TLCD4: variants seen among roughly 807,000 people sequenced by gnomAD.
TLCD4 encodes TLC domain containing 4, also known as TLC domain-containing protein 4.
A neutral mutation model predicts 24.2 loss-of-function variants in TLCD4; 7 were observed. The ratio of observed to expected loss-of-function variants is 0.29; its 90% confidence interval spans 0.16 to 0.54. The LOEUF is 0.54. Ranked by LOEUF, TLCD4 falls within the 20% of genes least tolerant of loss-of-function variation. The pLI, the probability that TLCD4 is intolerant of heterozygous loss-of-function variation, is 0.95. For missense variants in TLCD4, 259 were observed against 313.9 expected (o/e 0.82, Z 1.32); for synonymous variants, 103 against 106.4 (o/e 0.97, Z 0.20).
intron 5 of TLCD4, among the ~76,000 whole-genome samples, chr1:95,155,542 G>C (rs1455024272): frequency 1.3e-5 from 2 of 152,108 alleles, no homozygotes; most frequent in Admixed American, 1.3e-4. Flanking sequence ...GAATAGGAGA[G>C]AAAAGGATAA....
chr1:95,139,196 A>C (rs1345036969), intron 1 of TLCD4, among the ~76,000 whole-genome samples: 1 of 149,846 alleles, frequency 6.7e-6, no homozygotes, highest in African/African-American at 2.4e-5. Context: ...AAAAAAAAAA[A>C]AGATAAAAAA....
intron 1 of TLCD4, 21 bp from the exon 2 acceptor site, chr1:95,143,870 A>G (rs769086795): frequency 1.9e-5 from 25 of 1,348,314 alleles, no homozygotes; most frequent in Non-Finnish European, 2.4e-5. Flanking sequence ...AACAATTTAT[A>G]GCTGTCATTT....
rs78966776 is a variant in TLCD4 at position 95,167,994 on chromosome 1, C to T, written c.400-5822C>T. Among the ~76,000 whole-genome samples, 1,051 of 152,280 alleles carry T rather than the reference C, an allele frequency of 6.9e-3. 10 individuals are homozygous for T. Among genetic ancestry groups the T allele is most frequent in the Non-Finnish European group, 0.012 (812 of 68,036 alleles). On this transcript the variant is annotated intron_variant, in intron 5 of 6. Coordinates refer to ENST00000370203, the MANE Select transcript of TLCD4 (RefSeq NM_152487.3). Reference sequence around the variant, plus strand: ...ACTCCGCCAGACTTCGTCACCCCCACGACCTGGTGTTGGGACCATCACCCC... The same window carrying T: ...ACTCCGCCAGACTTCGTCACCCCCATGACCTGGTGTTGGGACCATCACCCC...
upstream of TLCD4, among the ~76,000 whole-genome samples, chr1:95,114,899 C>A (rs1183131141): frequency 1.3e-5 from 2 of 151,836 alleles, no homozygotes; most frequent in African/African-American, 4.8e-5. Context: ...TTTCTCTGAT[C>A]TGTTTGCTTG....
chr1:95,124,076 A>G (rs536133380), intron 1 of TLCD4, among the ~76,000 whole-genome samples: 1 of 152,340 alleles, frequency 6.6e-6, no homozygotes, highest in Non-Finnish European at 1.5e-5. Flanking sequence ...ACTCTCTGAT[A>G]GGGGGATTAG....
intron 1 of TLCD4, among the ~76,000 whole-genome samples, chr1:95,137,722 CT>C (rs1677087195): frequency 6.6e-6 from 1 of 151,298 alleles, no homozygotes; most frequent in Admixed American, 6.6e-5. Context: ...CTTTCCCTCC[CT>C]CCCTCCCTTT....
intron 6 of TLCD4, among the ~76,000 whole-genome samples, chr1:95,188,668 C>A (rs1290807187): frequency 3.3e-5 from 5 of 152,084 alleles, no homozygotes; most frequent in Non-Finnish European, 7.4e-5. Context: ...GAGTTTTGGA[C>A]CTGGAGAGCT....
the TLCD4 span, among the ~76,000 whole-genome samples, chr1:95,110,480 G>A: frequency 6.6e-6 from 1 of 152,030 alleles, no homozygotes; most frequent in East Asian, 1.9e-4. Context: ...AATACATTAT[G>A]TTAAATTCAT....
chr1:95,142,936 A>G (rs1317434722), intron 1 of TLCD4, among the ~76,000 whole-genome samples: 1 of 139,148 alleles, frequency 7.2e-6, no homozygotes, highest in Non-Finnish European at 1.6e-5. Flanking sequence ...CCTGGGGGAC[A>G]CAGCAAGACT....
At chr1:95,141,014 G>C (rs1677184650) in intron 1 of TLCD4, among the ~76,000 whole-genome samples, 2 of 152,192 alleles carry the variant, frequency 1.3e-5, no homozygotes, top group South Asian at 4.1e-4. Context: ...AAGAGGCAAA[G>C]CTGAGAGTAG....
chr1:95,116,376 T>C (rs1381663290), upstream of TLCD4, among the ~76,000 whole-genome samples: 1 of 152,224 alleles, frequency 6.6e-6, no homozygotes, highest in Admixed American at 6.5e-5. Flanking sequence ...TTTGTGTATA[T>C]ATTTTCTGGT....
intron 1 of TLCD4, among the ~76,000 whole-genome samples, chr1:95,126,196 G>A (rs143697966): frequency 0.011 from 1,669 of 151,996 alleles, 27 homozygotes; most frequent in African/African-American, 0.037. Context: ...GGAGGCTGAG[G>A]TGAGTGGATC....
At chr1:95,151,839 G>A (rs868016996) in intron 5 of TLCD4, among the ~76,000 whole-genome samples, 7 of 152,100 alleles carry the variant, frequency 4.6e-5, no homozygotes, top group African/African-American at 1.7e-4. Flanking sequence ...GGTTGGAGCA[G>A]TGGAGAAATC....
At chr1:95,190,252 C>T (rs987535342) in intron 6 of TLCD4, among the ~76,000 whole-genome samples, 8 of 151,508 alleles carry the variant, frequency 5.3e-5, no homozygotes, top group African/African-American at 7.3e-5. Context: ...TACAAGAATG[C>T]GCCACCACAC....
the TLCD4 span, among the ~76,000 whole-genome samples, chr1:95,099,081 G>A: frequency 6.6e-5 from 5 of 75,844 alleles, no homozygotes; most frequent in Admixed American, 5.8e-4. Flanking sequence ...AAAAAGAACA[G>A]GGTAATGATG....
intron 1 of TLCD4, among the ~76,000 whole-genome samples, chr1:95,118,264 A>T (rs1216536980): frequency 6.6e-6 from 1 of 151,692 alleles, no homozygotes; most frequent in Non-Finnish European, 1.5e-5. Flanking sequence ...TACCTCTGTA[A>T]CCCCTAAGTG....
chr1:95,146,133 G>T (rs1405151587), intron 2 of TLCD4, among the ~76,000 whole-genome samples: 1 of 151,792 alleles, frequency 6.6e-6, no homozygotes, highest in Non-Finnish European at 1.5e-5. Context: ...CTCTAAACAT[G>T]AGTTGAGAGT....
intron 1 of TLCD4, among the ~76,000 whole-genome samples, chr1:95,136,994 G>A (rs1024637267): frequency 2.6e-5 from 4 of 152,100 alleles, no homozygotes; most frequent in Admixed American, 2.6e-4. Context: ...GACCATTCAG[G>A]GCTGGTACAT....
At chr1:95,159,293 G>A (rs1184684830) in intron 5 of TLCD4, among the ~76,000 whole-genome samples, 1 of 152,214 alleles carries the variant, frequency 6.6e-6, no homozygotes, top group Non-Finnish European at 1.5e-5. Flanking sequence ...TCTGTTGGCT[G>A]CATAGATGTC....
Sources: allele counts gnomAD v4.1 joint callset (sites outside exome capture counted in the v4.1 genomes callset), GRCh38; gene constraint gnomAD v4.1.1; transcripts MANE v1.5; gene names NCBI Gene and HGNC (gene_info 2026-07-23, HGNC 2026-07-21).